ARHGEF10L: variants seen among roughly 807,000 people sequenced by gnomAD.
ARHGEF10L encodes the protein Rho guanine nucleotide exchange factor 10 like.
Under a neutral mutation model 141.2 loss-of-function variants are expected in ARHGEF10L, and 69 were observed. That is an observed-to-expected ratio of 0.49 (90% CI 0.40 to 0.60). The LOEUF is 0.60. Among genes scored for constraint, ARHGEF10L ranks in the 20% least tolerant of loss-of-function variants. ARHGEF10L has a pLI of 0.00. For synonymous variants in ARHGEF10L, 711 were observed against 718.5 expected, an observed-to-expected ratio of 0.99 and a Z score of 0.17; for missense variants, 1,482 against 1,734.3, an observed-to-expected ratio of 0.85 and a Z score of 2.58.
At chr1:17,659,796 T>G (rs2062498276) in intron 25 of ARHGEF10L, among the ~76,000 whole-genome samples, 1 of 152,222 alleles carries the variant, frequency 6.6e-6, no homozygotes, top group Admixed American at 6.5e-5. Flanking sequence ...TGGCCATGCT[T>G]TGGCTTATTG....
Position 17,623,569 on chromosome 1 carries a change from C to T in ARHGEF10L, c.1200+394C>T, listed in dbSNP as rs1470972766. Among the ~76,000 whole-genome samples, 1 of 152,166 alleles carries T rather than the reference C, an allele frequency of 6.6e-6. No homozygotes were observed. The highest frequency in any genetic ancestry group is 1.5e-5 in the Non-Finnish European group (1 of 68,036). On this transcript the variant is annotated intron_variant, in intron 12 of 28. Coordinates refer to ENST00000361221, the MANE Select transcript of ARHGEF10L (RefSeq NM_018125.4). This position sits in a 1 kb window ranked among gnomAD's most constrained non-coding sequence, Gnocchi z 4.7. ...ACTTTGGCCCGGAGAGGATGTGCCG[C>T]AGTGCTGGGGAAAGGGCACTGGCTC...
chr1:17,590,612 G>A (rs1476836784), intron 4 of ARHGEF10L, among the ~76,000 whole-genome samples: 1 of 152,188 alleles, frequency 6.6e-6, no homozygotes, highest in Non-Finnish European at 1.5e-5. Context: ...CACGGGGTGA[G>A]TGCCAAAGAC....
intron 7 of ARHGEF10L, among the ~76,000 whole-genome samples, chr1:17,609,932 C>T (rs760678018): frequency 1.3e-5 from 2 of 152,170 alleles, no homozygotes; most frequent in Non-Finnish European, 1.5e-5. Flanking sequence ...TGGCAGGACC[C>T]GTGCGTCCCA....
chr1:17,638,108 C>T (rs147141934), intron 19 of ARHGEF10L, 105 bp downstream of exon 19: 28 of 995,790 alleles, frequency 2.8e-5, no homozygotes, highest in Admixed American at 5.1e-5. Flanking sequence ...CCCATGTCCC[C>T]GATGTGCTCC....
At chr1:17,576,545 T>C (rs553591450) in intron 1 of ARHGEF10L, among the ~76,000 whole-genome samples, 1 of 152,170 alleles carries the variant, frequency 6.6e-6, no homozygotes, top group Non-Finnish European at 1.5e-5. Context: ...GTTCCTTGGG[T>C]TTGGTGGTCA....
chr1:17,580,457 G>A, intron 1 of ARHGEF10L, 96 bp from the exon 2 acceptor site: 1 of 1,083,318 alleles, frequency 9.2e-7, no homozygotes, highest in Non-Finnish European at 1.4e-6. Context: ...GAGAGCCACT[G>A]GGCTGAAGCA....
intron 26 of ARHGEF10L, among the ~76,000 whole-genome samples, chr1:17,676,635 G>A (rs2063744388): frequency 6.6e-6 from 1 of 151,966 alleles, no homozygotes; most frequent in South Asian, 2.1e-4. Context: ...AGGCAGACGT[G>A]ATAGAACAAA....
At chr1:17,589,462 C>T (rs1447901153) in intron 4 of ARHGEF10L, among the ~76,000 whole-genome samples, 4 of 152,216 alleles carry the variant, frequency 2.6e-5, no homozygotes, top group Admixed American at 6.5e-5. Context: ...CCTGCTTTGT[C>T]TTCCTGGGGT....
At chr1:17,584,178 G>GA (rs879665017) in intron 2 of ARHGEF10L, among the ~76,000 whole-genome samples, 200 of 152,214 alleles carry the variant, frequency 1.3e-3, no homozygotes, top group Middle Eastern at 3.4e-3. Context: ...CCAAGTAGCT[G>GA]GGACTACAGG....
chr1:17,576,083 C>A (rs1424812213), intron 1 of ARHGEF10L, among the ~76,000 whole-genome samples: 1 of 152,144 alleles, frequency 6.6e-6, no homozygotes, highest in Non-Finnish European at 1.5e-5. Context: ...ACTTGCGCAG[C>A]CTTCCAGACT....
intron 1 of ARHGEF10L, among the ~76,000 whole-genome samples, chr1:17,543,895 G>GCCCA (rs2076822480): frequency 6.6e-6 from 1 of 151,510 alleles, no homozygotes; most frequent in Non-Finnish European, 1.5e-5. Context: ...TGATCCACCT[G>GCCCA]CCTCAGCCTC....
chr1:17,542,913 C>G (rs558843261), intron 1 of ARHGEF10L, among the ~76,000 whole-genome samples: 2 of 152,336 alleles, frequency 1.3e-5, no homozygotes, highest in African/African-American at 4.8e-5. Context: ...TTTTGTATTC[C>G]TGTCACCCGG....
intron 26 of ARHGEF10L, among the ~76,000 whole-genome samples, chr1:17,676,071 T>TGGGTGC: frequency 6.9e-6 from 1 of 143,992 alleles, no homozygotes; most frequent in African/African-American, 2.6e-5. Flanking sequence ...GGTGCAGGTG[T>TGGGTGC]AGGTGCAGGC....
intron 1 of ARHGEF10L, among the ~76,000 whole-genome samples, chr1:17,540,417 AACGGG>A (rs1173963815): frequency 1.3e-5 from 2 of 151,900 alleles, no homozygotes; most frequent in Non-Finnish European, 2.9e-5. Flanking sequence ...CCAGAGGCGG[AACGGG>A]ACGGCCTCCT....
At chr1:17,520,716 G>A in the ARHGEF10L span, among the ~76,000 whole-genome samples, 14 of 152,210 alleles carry the variant, frequency 9.2e-5, no homozygotes, top group South Asian at 2.1e-4. Context: ...ACGGCAACCT[G>A]GAGTGAGAAC....
intron 1 of ARHGEF10L, among the ~76,000 whole-genome samples, chr1:17,557,012 A>G (rs1408115720): frequency 6.6e-6 from 1 of 151,174 alleles, no homozygotes; most frequent in South Asian, 2.1e-4. Context: ...AGTTCGGACA[A>G]CATAGCAAGA....
At chr1:17,677,337 C>T (rs989415009) in intron 26 of ARHGEF10L, among the ~76,000 whole-genome samples, 1 of 152,268 alleles carries the variant, frequency 6.6e-6, no homozygotes, top group Non-Finnish European at 1.5e-5. Flanking sequence ...TCTGCCTTAC[C>T]TCTGTCTGTC....
chr1:17,572,918 G>C (rs1375747191), intron 1 of ARHGEF10L, among the ~76,000 whole-genome samples: 1 of 152,150 alleles, frequency 6.6e-6, no homozygotes, highest in Non-Finnish European at 1.5e-5. Context: ...TCAGCCCTGA[G>C]GTGTAGCAGG....
Position 17,657,612 on chromosome 1 carries a change from A to AT in ARHGEF10L, c.2860+917dup, listed in dbSNP as rs779320727. ...ATAAACGGATATTTGTACTGAGCTA[A>AT]TTTTTTTTTTTTTGCCACTTGGCAC... On this transcript the variant is annotated intron_variant, in intron 25 of 28. Transcript: ENST00000361221. 6.0e-3 allele frequency among the ~76,000 whole-genome samples: 876 copies of AT among 146,596 alleles called. 2 individuals carry two copies. The highest frequency in any genetic ancestry group is 0.018 in the African/African-American group (718 of 40,140).
Sources: gnomAD v4.1 joint callset for allele counts (sites outside exome capture counted in the v4.1 genomes callset) on GRCh38, gnomAD v4.1.1 for gene constraint, Gnocchi (gnomAD v3.1) non-coding constraint, MANE v1.5 for transcripts, NCBI Gene and HGNC (gene_info 2026-07-23, HGNC 2026-07-21) for gene names.